The following SPAG16 variants were observed in gnomAD, a reference collection of about 807,000 sequenced individuals.
SPAG16 encodes sperm associated antigen 16, also known as sperm-associated antigen 16 protein.
Under a neutral mutation model 80.4 loss-of-function variants are expected in SPAG16, and 86 were observed. The ratio of observed to expected loss-of-function variants is 1.07; its 90% CI spans 0.90 to 1.28. The LOEUF (loss-of-function observed/expected upper bound fraction) is 1.28. SPAG16 is among the 50% of genes most tolerant of loss of function. The pLI, the probability that SPAG16 is intolerant of heterozygous loss-of-function variation, is 0.00. For missense variants in SPAG16, 870 were observed against 765.3 expected (o/e 1.14, Z -1.61); for synonymous variants, 294 against 265.9 (o/e 1.11, Z -1.03).
chr2:213,805,080 G>C (rs949022713), intron 10 of SPAG16, among the ~76,000 whole-genome samples: 1 of 152,186 alleles, frequency 6.6e-6, no homozygotes, highest in Non-Finnish European at 1.5e-5. Flanking sequence ...ATGTCAAAGA[G>C]ATTGTCAAAT....
chr2:213,477,305 T>C (rs2073458424), intron 9 of SPAG16, among the ~76,000 whole-genome samples: 1 of 152,160 alleles, frequency 6.6e-6, no homozygotes, highest in Non-Finnish European at 1.5e-5. Flanking sequence ...AATGGGGCAC[T>C]GCCTAATAAA....
chr2:214,152,304 A>G (rs1222807638), intron 15 of SPAG16, among the ~76,000 whole-genome samples: 2 of 152,206 alleles, frequency 1.3e-5, no homozygotes, highest in Admixed American at 1.3e-4. Flanking sequence ...TTTAAAATGT[A>G]GCTTTGGCAA....
rs141562167 is a variant in SPAG16, at chr2:213,710,107, C to T, written c.1071-152378C>T. Among the ~76,000 whole-genome samples, 1,377 of 152,032 alleles carry T rather than the reference C, an allele frequency of 9.1e-3. 7 individuals are homozygous for T. Among genetic ancestry groups the T allele is most frequent in the South Asian group, 0.018 (87 of 4,820 alleles). On this transcript the variant is annotated intron_variant, in intron 10 of 15. Transcript: ENST00000331683. Reference sequence around the variant, plus strand: ...TCTCCTGGCTAACATGGTGAAACCTCGTCTCTACTAAAAAATAATACAAAA... The same window carrying T: ...TCTCCTGGCTAACATGGTGAAACCTTGTCTCTACTAAAAAATAATACAAAA...
intron 12 of SPAG16, among the ~76,000 whole-genome samples, chr2:213,938,600 A>G (rs1273713142): frequency 6.6e-6 from 1 of 151,974 alleles, no homozygotes; most frequent in Non-Finnish European, 1.5e-5. Context: ...TCAGACAACA[A>G]CCACTATTAT....
intron 11 of SPAG16, among the ~76,000 whole-genome samples, chr2:213,906,807 C>A (rs536246268): frequency 4.5e-4 from 69 of 152,028 alleles, no homozygotes; most frequent in Non-Finnish European, 8.7e-4. Context: ...CAAATAATAT[C>A]CATTTGTGAA....
chr2:213,605,343 T>C (rs2124993032), intron 10 of SPAG16, among the ~76,000 whole-genome samples: 2 of 151,512 alleles, frequency 1.3e-5, no homozygotes, highest in East Asian at 3.9e-4. Context: ...CTCAGCTCAC[T>C]GCAGGCTCTG....
At chr2:214,045,297 G>A (rs1033315657) in intron 13 of SPAG16, among the ~76,000 whole-genome samples, 2 of 152,188 alleles carry the variant, frequency 1.3e-5, no homozygotes, top group Admixed American at 6.5e-5. Context: ...GGGCCAGAAG[G>A]GAACCTGTTG....
chr2:213,334,320 A>T (rs1230623375), intron 5 of SPAG16, among the ~76,000 whole-genome samples: 4 of 152,164 alleles, frequency 2.6e-5, no homozygotes, highest in Non-Finnish European at 5.9e-5. Flanking sequence ...GCTGGCGAGG[A>T]TATGGAGAAA....
At chr2:213,633,943 T>C (rs1482155274) in intron 10 of SPAG16, among the ~76,000 whole-genome samples, 1 of 152,110 alleles carries the variant, frequency 6.6e-6, no homozygotes, top group Admixed American at 6.6e-5. Context: ...TTCTTAGGAA[T>C]AGATCCATTA....
At position 214,032,681 on chromosome 2, in the gene SPAG16, A is replaced by G. The variant is rs184121965; in HGVS notation, c.1527+18604A>G. ...ATCACATGTTGTAAGGCCTTGGTAA[A>G]GATCAGATTCAGAAATTATTTTTAA... On this transcript the variant is annotated intron_variant, in intron 13 of 15. Coordinates refer to ENST00000331683, the MANE Select transcript of SPAG16 (RefSeq NM_024532.5). 4.4e-4 allele frequency among the ~76,000 whole-genome samples: 67 copies of G among 152,330 alleles called. No homozygotes were observed. In the Middle Eastern group the frequency reaches 0.048, roughly 108 times the overall value.
intron 10 of SPAG16, among the ~76,000 whole-genome samples, chr2:213,677,897 A>G (rs1231550967): frequency 4.6e-5 from 7 of 151,718 alleles, no homozygotes; most frequent in African/African-American, 7.3e-5. Context: ...ATGTAAAAGA[A>G]CAGAAATTAT....
Position 214,127,502 on chromosome 2 carries a change from A to G in SPAG16, c.1593+19241A>G, listed in dbSNP as rs115962248. Among the ~76,000 whole-genome samples the G allele has an allele frequency of 2.2e-3, 333 of 152,016 alleles. 4 individuals are homozygous for G. Among genetic ancestry groups the G allele is most frequent in the Middle Eastern group, 6.8e-3 (2 of 294 alleles). ...TAACAAACAGAATACTGGTCTATCC[A>G]AGGAGGAGGAGAGTTTGGAAGGAAA... On this transcript the variant is annotated intron_variant, in intron 14 of 15. Transcript: ENST00000331683.
At chr2:213,796,269 T>G (rs574567031) in intron 10 of SPAG16, among the ~76,000 whole-genome samples, 1 of 152,268 alleles carries the variant, frequency 6.6e-6, no homozygotes, top group South Asian at 2.1e-4. Flanking sequence ...AACCTAATTT[T>G]ACTCTATTGC....
chr2:214,305,514 T>A (rs375048878), intron 15 of SPAG16, among the ~76,000 whole-genome samples: 3 of 152,218 alleles, frequency 2.0e-5, no homozygotes, highest in Admixed American at 6.5e-5. Context: ...GGGTTTTACA[T>A]TTAAGTCTTT....
At chr2:213,557,350 G>A (rs533789024) in intron 10 of SPAG16, among the ~76,000 whole-genome samples, 1 of 152,086 alleles carries the variant, frequency 6.6e-6, no homozygotes, top group East Asian at 1.9e-4. Flanking sequence ...GTAATATTTT[G>A]AGACAGCTTT....
chr2:214,061,304 C>T (rs2050244932), intron 13 of SPAG16, among the ~76,000 whole-genome samples: 1 of 152,168 alleles, frequency 6.6e-6, no homozygotes, highest in Admixed American at 6.6e-5. Context: ...ATTGGAAAAA[C>T]TCATAATCCA....
chr2:213,413,651 A>G (rs751697123), intron 9 of SPAG16, among the ~76,000 whole-genome samples: 1 of 152,166 alleles, frequency 6.6e-6, no homozygotes, highest in Non-Finnish European at 1.5e-5. Flanking sequence ...TGCATAATTA[A>G]GGTTTCTGAT....
chr2:213,648,635 C>CA (rs549802197), intron 10 of SPAG16, among the ~76,000 whole-genome samples: 64 of 152,174 alleles, frequency 4.2e-4, no homozygotes, highest in African/African-American at 1.5e-3. Context: ...CTAAGGCATG[C>CA]ACATCAATTG....
intron 15 of SPAG16, among the ~76,000 whole-genome samples, chr2:214,233,432 A>C (rs574925144): frequency 6.6e-6 from 1 of 152,166 alleles, no homozygotes; most frequent in East Asian, 1.9e-4. Flanking sequence ...GAAAGGGAAT[A>C]ATTAAAATCA....
Sources: gnomAD v4.1 joint callset for allele counts (sites outside exome capture counted in the v4.1 genomes callset) on GRCh38, gnomAD v4.1.1 for gene constraint, MANE v1.5 for transcripts, NCBI Gene and HGNC (gene_info 2026-07-23, HGNC 2026-07-21) for gene names.